IMMP2L: variants seen among roughly 807,000 people sequenced by gnomAD.
IMMP2L encodes the protein inner mitochondrial membrane peptidase subunit 2, also known as mitochondrial inner membrane protease subunit 2.
IMMP2L carries 18 observed loss-of-function variants against 19.3 expected under a neutral mutation model. The observed-to-expected ratio is 0.93, with a 90% CI of 0.64 to 1.38. The LOEUF (loss-of-function observed/expected upper bound fraction) is 1.38, where lower values mean the gene tolerates loss of function less well. IMMP2L is among the 40% of genes most tolerant of loss of function. IMMP2L has a pLI of 0.00. For synonymous variants in IMMP2L, 76 were observed against 73.0 expected, an observed-to-expected ratio of 1.04 and a Z score of -0.21; for missense variants, 233 against 218.2, an observed-to-expected ratio of 1.07 and a Z score of -0.43.
At chr7:110,668,045 T>G (rs1050695536) in intron 5 of IMMP2L, among the ~76,000 whole-genome samples, 1 of 152,194 alleles carries the variant, frequency 6.6e-6, no homozygotes, top group Admixed American at 6.5e-5. Flanking sequence ...GCACCTTGCT[T>G]TTACTCTCAA....
At chr7:111,037,963 T>C (rs1791512958) in intron 3 of IMMP2L, among the ~76,000 whole-genome samples, 1 of 152,182 alleles carries the variant, frequency 6.6e-6, no homozygotes, top group African/African-American at 2.4e-5. Flanking sequence ...TCTCATCCTA[T>C]CTGTGTCTAA....
intron 3 of IMMP2L, among the ~76,000 whole-genome samples, chr7:111,041,848 T>C (rs1791929015): frequency 6.6e-6 from 1 of 152,178 alleles, no homozygotes; most frequent in Non-Finnish European, 1.5e-5. Flanking sequence ...GTAGTTAGTG[T>C]CAAGAGCATA....
chr7:110,900,070 C>G (rs1811707044), intron 4 of IMMP2L, among the ~76,000 whole-genome samples: 1 of 152,014 alleles, frequency 6.6e-6, no homozygotes, highest in African/African-American at 2.4e-5. Context: ...AAATGTAACC[C>G]CAAATAATAA....
At chr7:110,904,975 T>C (rs1812299778) in intron 4 of IMMP2L, among the ~76,000 whole-genome samples, 1 of 152,224 alleles carries the variant, frequency 6.6e-6, no homozygotes, top group Non-Finnish European at 1.5e-5. Context: ...TATATTCTTT[T>C]CATGGTTACA....
At chr7:111,281,216 A>AAGAAAGAAAGAAAGAAAGAAAGAAAG (rs1293249599) in intron 3 of IMMP2L, among the ~76,000 whole-genome samples, 1 of 38,762 alleles carries the variant, frequency 2.6e-5, no homozygotes, top group African/African-American at 9.7e-5. Flanking sequence ...GAAAGAAAGA[A>AAGAAAGAAAGAAAGAAAGAAAGAAAG]AAAGAAAGAA....
chr7:110,821,880 G>A (rs1014795620), intron 5 of IMMP2L, among the ~76,000 whole-genome samples: 1 of 152,002 alleles, frequency 6.6e-6, no homozygotes, highest in Non-Finnish European at 1.5e-5. Flanking sequence ...CCAAGATCAC[G>A]TCACTGCACT....
intron 3 of IMMP2L, among the ~76,000 whole-genome samples, chr7:111,197,493 G>T (rs761823818): frequency 2.6e-5 from 4 of 151,922 alleles, no homozygotes; most frequent in Non-Finnish European, 5.9e-5. Context: ...AAACAAAAAT[G>T]AACCAAGTAT....
intron 3 of IMMP2L, among the ~76,000 whole-genome samples, chr7:111,431,221 T>A (rs1336007502): frequency 6.6e-6 from 1 of 151,872 alleles, no homozygotes; most frequent in Non-Finnish European, 1.5e-5. Flanking sequence ...GATTTATAGA[T>A]CTTTTGTTAG....
rs115272497 is a variant in IMMP2L, at chr7:110,742,115, A to G, written c.409-78394T>C. 4.9e-3 allele frequency among the ~76,000 whole-genome samples: 742 copies of G among 152,376 alleles called. 5 individuals are homozygous for G. The highest frequency in any genetic ancestry group is 0.017 in the African/African-American group (701 of 41,588). On this transcript the variant is annotated intron_variant, in intron 5 of 5. Coordinates refer to ENST00000405709, the MANE Select transcript of IMMP2L (RefSeq NM_032549.4). ...AACACTAGCATGTGAGAACAACAGTATTATAAAATAAAAACATGAAAAACA... is the reference window on the plus strand; with the variant it reads ...AACACTAGCATGTGAGAACAACAGTGTTATAAAATAAAAACATGAAAAACA...
intron 1 of IMMP2L, among the ~76,000 whole-genome samples, chr7:111,559,643 C>G (rs1012720939): frequency 6.6e-6 from 1 of 152,076 alleles, no homozygotes; most frequent in African/African-American, 2.4e-5. Flanking sequence ...GAAAGTTAGG[C>G]ACTACATGGC....
chr7:110,849,768 C>A (rs896677021), intron 5 of IMMP2L, among the ~76,000 whole-genome samples: 5 of 152,006 alleles, frequency 3.3e-5, no homozygotes, highest in Non-Finnish European at 5.9e-5. Flanking sequence ...TGAAGATGTT[C>A]CTACTTTTAA....
intron 3 of IMMP2L, among the ~76,000 whole-genome samples, chr7:111,326,913 C>T (rs1488718494): frequency 6.6e-6 from 1 of 151,792 alleles, no homozygotes; most frequent in Non-Finnish European, 1.5e-5. Flanking sequence ...TTTGTATTCC[C>T]ATGTTCACTG....
intron 5 of IMMP2L, among the ~76,000 whole-genome samples, chr7:110,700,962 T>C (rs1317445864): frequency 6.6e-6 from 1 of 152,238 alleles, no homozygotes; most frequent in South Asian, 2.1e-4. Context: ...ATCCATTTTA[T>C]AGATTTTGCA....
At chr7:111,228,425 A>T (rs1813340020) in intron 3 of IMMP2L, among the ~76,000 whole-genome samples, 1 of 151,406 alleles carries the variant, frequency 6.6e-6, no homozygotes, top group Admixed American at 6.6e-5. Context: ...TATTAAAAAA[A>T]ATCAAAGGTG....
chr7:111,215,011 A>G (rs1372083035), intron 3 of IMMP2L, among the ~76,000 whole-genome samples: 1 of 152,162 alleles, frequency 6.6e-6, no homozygotes, highest in Non-Finnish European at 1.5e-5. Context: ...TTCTTGCAAA[A>G]CTATGCCCTC....
chr7:110,812,924 A>G (rs927325813), intron 5 of IMMP2L, among the ~76,000 whole-genome samples: 1 of 152,050 alleles, frequency 6.6e-6, no homozygotes, highest in Non-Finnish European at 1.5e-5. Context: ...TTTTATTAAA[A>G]TATACATACA....
chr7:110,794,135 A>G (rs1800685120), intron 5 of IMMP2L, among the ~76,000 whole-genome samples: 3 of 152,168 alleles, frequency 2.0e-5, no homozygotes, highest in South Asian at 4.1e-4. Context: ...TGATCCAGCA[A>G]TGGTGCTCCT....
intron 3 of IMMP2L, among the ~76,000 whole-genome samples, chr7:111,399,326 C>T (rs1833203302): frequency 6.6e-6 from 1 of 151,974 alleles, no homozygotes; most frequent in Non-Finnish European, 1.5e-5. Flanking sequence ...GAAATAAACC[C>T]AAATACATAC....
At chr7:111,177,396 G>A (rs1371253659) in intron 3 of IMMP2L, among the ~76,000 whole-genome samples, 1 of 151,982 alleles carries the variant, frequency 6.6e-6, no homozygotes, top group Admixed American at 6.6e-5. Context: ...GCTCAGGATT[G>A]TCTGGAACTG....
Sources: allele counts gnomAD v4.1 joint callset (sites outside exome capture counted in the v4.1 genomes callset), GRCh38; gene constraint gnomAD v4.1.1; transcripts MANE v1.5; gene names NCBI Gene and HGNC (gene_info 2026-07-23, HGNC 2026-07-21).